Variants in MCC observed in about 807,000 individuals in gnomAD.
MCC encodes MCC regulator of Wnt signaling pathway.
MCC carries 90 observed loss-of-function variants against 116.2 expected under a neutral mutation model. That is an observed-to-expected ratio of 0.77 (90% CI 0.65 to 0.92). MCC has a LOEUF of 0.92. MCC is among the 40% of genes least tolerant of loss of function. The probability of loss-of-function intolerance (pLI) is 0.00; values close to 1 mark genes in which losing one functional copy is unlikely to be tolerated. For synonymous variants in MCC, 578 were observed against 510.5 expected (o/e 1.13, Z -1.78); for missense variants, 1,516 against 1,312.2 (o/e 1.16, Z -2.40).
chr5:113,460,001 T>C (rs768273957), intron 1 of MCC, among the ~76,000 whole-genome samples: 1 of 152,064 alleles, frequency 6.6e-6, no homozygotes, highest in South Asian at 2.1e-4. Flanking sequence ...TGACATTCAG[T>C]GAAAGCTGAG....
intron 1 of MCC, among the ~76,000 whole-genome samples, chr5:113,442,578 C>T (rs1771073844): frequency 6.6e-6 from 1 of 152,176 alleles, no homozygotes; most frequent in South Asian, 2.1e-4. Flanking sequence ...TTACCCATGC[C>T]TATGTCCTGA....
intron 3 of MCC, among the ~76,000 whole-genome samples, chr5:113,287,177 C>A (rs1294847673): frequency 6.6e-6 from 1 of 152,198 alleles, no homozygotes; most frequent in Non-Finnish European, 1.5e-5. Flanking sequence ...TAACTAATAT[C>A]TATCAATTCT....
intron 3 of MCC, among the ~76,000 whole-genome samples, chr5:113,283,774 AT>A (rs1766143795): frequency 6.6e-6 from 1 of 152,194 alleles, no homozygotes. Context: ...CTAAAAATAA[AT>A]TCTTATTACT....
intron 3 of MCC, among the ~76,000 whole-genome samples, chr5:113,307,703 A>C (rs1383556800): frequency 6.6e-6 from 1 of 152,204 alleles, no homozygotes; most frequent in African/African-American, 2.4e-5. Context: ...AAGAGCAGAC[A>C]ACTTTGTCTT....
chr5:113,331,425 T>C (rs1423754029), intron 3 of MCC, among the ~76,000 whole-genome samples: 1 of 151,542 alleles, frequency 6.6e-6, no homozygotes, highest in Non-Finnish European at 1.5e-5. Context: ...GGTATAGTAG[T>C]GTTAGTAGCG....
At chr5:113,073,211 G>T (rs989110385) in intron 11 of MCC, among the ~76,000 whole-genome samples, 1 of 152,110 alleles carries the variant, frequency 6.6e-6, no homozygotes, top group East Asian at 1.9e-4. Flanking sequence ...AGACCCCTGA[G>T]GATCTTTTTT....
intron 10 of MCC, 43 bp from the exon 11 acceptor site, chr5:113,083,051 C>T: frequency 6.4e-7 from 1 of 1,570,446 alleles, no homozygotes; most frequent in Non-Finnish European, 8.7e-7. Context: ...CATATCATTT[C>T]AGAGATGCAT....
intron 3 of MCC, among the ~76,000 whole-genome samples, chr5:113,290,016 T>C (rs1766421488): frequency 6.6e-6 from 1 of 152,222 alleles, no homozygotes; most frequent in African/African-American, 2.4e-5. Flanking sequence ...CTTCCAATGC[T>C]GATATTTTAT....
intron 1 of MCC, among the ~76,000 whole-genome samples, chr5:113,486,482 G>A (rs1772530304): frequency 6.6e-6 from 1 of 152,104 alleles, no homozygotes; most frequent in Non-Finnish European, 1.5e-5. Context: ...ATATTAATAG[G>A]CCAAATTAGA....
chr5:113,332,522 C>T (rs1386155658), intron 3 of MCC, among the ~76,000 whole-genome samples: 1 of 144,700 alleles, frequency 6.9e-6, no homozygotes, highest in Non-Finnish European at 1.5e-5. Context: ...CTGCAGTAAG[C>T]CAGTGCATTC....
chr5:113,168,707 A>G (rs1760904426), intron 3 of MCC, among the ~76,000 whole-genome samples: 1 of 152,062 alleles, frequency 6.6e-6, no homozygotes, highest in Non-Finnish European at 1.5e-5. Context: ...CTTTTTTGCC[A>G]TGTCTGTTTT....
At chr5:113,316,530 A>G (rs1767289688) in intron 3 of MCC, among the ~76,000 whole-genome samples, 1 of 152,210 alleles carries the variant, frequency 6.6e-6, no homozygotes, top group African/African-American at 2.4e-5. Context: ...TCATGATCCA[A>G]TAAGTTCCAA....
At chr5:113,328,812 A>C (rs1767628302) in intron 3 of MCC, among the ~76,000 whole-genome samples, 1 of 152,210 alleles carries the variant, frequency 6.6e-6, no homozygotes, top group African/African-American at 2.4e-5. Flanking sequence ...TCCCCAGAAC[A>C]GTCTGGGGAT....
At chr5:113,347,113 G>A (rs749218337) in intron 2 of MCC, among the ~76,000 whole-genome samples, 8 of 152,062 alleles carry the variant, frequency 5.3e-5, no homozygotes, top group Non-Finnish European at 1.2e-4. Context: ...GAAAGAAAAG[G>A]ATATTAATGA....
chr5:113,249,239 C>G (rs1019950487), intron 3 of MCC, among the ~76,000 whole-genome samples: 1 of 152,132 alleles, frequency 6.6e-6, no homozygotes, highest in Non-Finnish European at 1.5e-5. Flanking sequence ...AACAGAGTCC[C>G]TGTTGTTTAC....
chr5:113,475,621 T>G (rs1561591884), intron 1 of MCC, among the ~76,000 whole-genome samples: 1 of 152,210 alleles, frequency 6.6e-6, no homozygotes, highest in South Asian at 2.1e-4. Context: ...ACTCTGAGAC[T>G]AAGAATTAAA....
chr5:113,208,838 G>A (rs1763010896), intron 3 of MCC, among the ~76,000 whole-genome samples: 1 of 152,104 alleles, frequency 6.6e-6, no homozygotes, highest in South Asian at 2.1e-4. Flanking sequence ...CAACATCATG[G>A]CCACAAAAAC....
chr5:113,196,206 G>T (rs951084380), intron 3 of MCC, among the ~76,000 whole-genome samples: 6 of 152,198 alleles, frequency 3.9e-5, no homozygotes, highest in South Asian at 2.1e-4. Flanking sequence ...TCCCTTGCTT[G>T]TGCCAACACC....
chr5:113,226,019 A>G (rs1167002262), intron 3 of MCC, among the ~76,000 whole-genome samples: 1 of 152,246 alleles, frequency 6.6e-6, no homozygotes, highest in East Asian at 1.9e-4. Flanking sequence ...TTAAAAATAC[A>G]AAACAAATTA....
Sources: allele counts gnomAD v4.1 joint callset (sites outside exome capture counted in the v4.1 genomes callset), GRCh38; gene constraint gnomAD v4.1.1; transcripts MANE v1.5; gene names NCBI Gene and HGNC (gene_info 2026-07-23, HGNC 2026-07-21).